Variants in SCAMP2 observed in about 807,000 individuals in gnomAD.
SCAMP2 encodes the protein secretory carrier membrane protein 2.
A neutral mutation model predicts 44.1 loss-of-function variants in SCAMP2; 25 were observed. The ratio of observed to expected loss-of-function variants is 0.57; its 90% confidence interval spans 0.41 to 0.79. SCAMP2 has a LOEUF of 0.79. SCAMP2 is among the 30% of genes least tolerant of loss of function. The pLI, the probability that SCAMP2 is intolerant of heterozygous loss-of-function variation, is 0.00. For missense variants in SCAMP2, 355 were observed against 411.0 expected (o/e 0.86, Z 1.18); for synonymous variants, 156 against 166.0 (o/e 0.94, Z 0.46).
At chr15:74,854,681 G>A in intron 1 of SCAMP2, 32 bp from the exon 2 acceptor site, 1 of 1,582,240 alleles carries the variant, frequency 6.3e-7, no homozygotes, top group South Asian at 1.2e-5. Context: ...CTTAGACACA[G>A]TGGAGAAAAT....
At chr15:74,851,945 A>G in intron 4 of SCAMP2, 124 bp downstream of exon 4, 3 of 597,792 alleles carry the variant, frequency 5.0e-6, no homozygotes, top group Middle Eastern at 9.0e-4. Context: ...GCATCCTGTG[A>G]TGAGAAGAGC....
At position 74,844,588 on chromosome 15, in the gene SCAMP2, A is replaced by T. The variant is rs568690162; in HGVS notation, c.*495T>A. On this transcript the variant is annotated 3_prime_UTR_variant, in exon 9 of 9. Coordinates refer to ENST00000268099, the MANE Select transcript of SCAMP2 (RefSeq NM_005697.5). ...TGGAAGCCTGGAGACCACTGGAGTG[A>T]CCTGGGGAACAGATCTGTCCACCAG... is the stretch of plus-strand genomic sequence containing the variant. 1 of 153,566 alleles carries T rather than the reference A, an allele frequency of 6.5e-6. No homozygotes were observed. The highest frequency in any genetic ancestry group is 2.4e-5 in the African/African-American group (1 of 41,566). 9.5% of individuals were successfully genotyped at this position (153,566 alleles called of 1,614,324 possible). A position where few individuals can be genotyped will look rare whatever the true frequency, so the allele number is the denominator to read the frequency against.
chr15:74,854,230 C>T (rs2064453746), intron 2 of SCAMP2, 111 bp from the exon 3 acceptor site: 2 of 979,584 alleles, frequency 2.0e-6, no homozygotes, highest in South Asian at 2.7e-5. Flanking sequence ...AGGGGACTCC[C>T]TCGGGGCCTG....
chr15:74,873,284 G>T lies in SCAMP2; in HGVS notation c.-29C>A. 1 of 1,476,332 alleles carries T rather than the reference G, an allele frequency of 6.8e-7. No individual in the cohort carries two copies. Among genetic ancestry groups the T allele is most frequent in the Non-Finnish European group, 8.9e-7 (1 of 1,118,036 alleles). The allele number at this position is 1,476,332 out of a possible 1,614,324, so 91.5% of individuals were successfully genotyped here. A position where few individuals can be genotyped will look rare whatever the true frequency, so the allele number is the denominator to read the frequency against. ...GATCGGGGGCCAGCGGGCGAACTCC[G>T]CGAACGCTGCTGCCTCCGGGCACCC... On this transcript the variant is annotated 5_prime_UTR_variant, in exon 1 of 9. Transcript: ENST00000268099.
rs2064415016 is a variant in SCAMP2 at position 74,848,671 on chromosome 15, G to C, written c.663C>G (p.Phe221Leu). The C allele has an allele frequency of 1.2e-6, 2 of 1,613,554 alleles. No individual in the cohort carries two copies. Among genetic ancestry groups the C allele is most frequent in the Non-Finnish European group, 1.7e-6 (2 of 1,179,692 alleles). The part of the protein sequence containing the change: ...RSDNSFSFFV[F>L]FFVFFCQIGI... ...CTATTTGACAAAAAAATACAAAGAA[G>C]AACACAAAGAAGCTGAAAGAGTTGT... Residue 221 changes from phenylalanine (F) to leucine (L), a missense_variant, in exon 7 of 9, where the codon TTC becomes TTG. Physicochemically the swap from Phe to Leu is conservative, Grantham distance 22 (BLOSUM62 0). Coordinates refer to ENST00000268099, the MANE Select transcript of SCAMP2 (RefSeq NM_005697.5).
At chr15:74,866,024 GAGGGA>G (rs1160844255) in intron 1 of SCAMP2, among the ~76,000 whole-genome samples, 1 of 93,082 alleles carries the variant, frequency 1.1e-5, no homozygotes, top group Admixed American at 1.2e-4. Context: ...GGAAAGGAGG[GAGGGA>G]GGGGAGGGGA....
chr15:74,864,461 G>C (rs2064529237), intron 1 of SCAMP2, among the ~76,000 whole-genome samples: 1 of 152,216 alleles, frequency 6.6e-6, no homozygotes, highest in Non-Finnish European at 1.5e-5. Context: ...CAGGGAACCA[G>C]TCTGAAGAGG....
At chr15:74,855,534 T>G (rs941551866) in intron 1 of SCAMP2, among the ~76,000 whole-genome samples, 4 of 151,772 alleles carry the variant, frequency 2.6e-5, no homozygotes, top group Non-Finnish European at 5.9e-5. Flanking sequence ...CTGACCAACA[T>G]GGAGAAACCC....
intron 3 of SCAMP2, chr15:74,852,623 G>A (rs147058598): frequency 6.5e-6 from 1 of 154,004 alleles, no homozygotes; most frequent in African/African-American, 2.4e-5. Flanking sequence ...AACAGTGCAA[G>A]CCTGCTAACA....
At chr15:74,850,206 G>A (rs747255254) in intron 6 of SCAMP2, among the ~76,000 whole-genome samples, 3 of 152,126 alleles carry the variant, frequency 2.0e-5, no homozygotes, top group Admixed American at 6.5e-5. Context: ...CCCAAAGAGC[G>A]TCCCCTCCCT....
rs1370225385 is a variant in SCAMP2, at chr15:74,854,636, G to A, written c.71C>T (p.Thr24Ile). 1.2e-6 allele frequency: 2 copies of A among 1,609,224 alleles called. No homozygotes were observed. Among genetic ancestry groups the A allele is most frequent in the African/African-American group, 1.3e-5 (1 of 74,962 alleles). Residue 24 changes from threonine (T) to isoleucine (I), a missense_variant, in exon 2 of 9, where the codon ACC (threonine) becomes ATC (isoleucine). Coordinates refer to ENST00000268099, the MANE Select transcript of SCAMP2 (RefSeq NM_005697.5). ...GCCCTGCGGGGCGTTGGTCAGCTGG[G>A]TCACAGAGGGATCCTGAGAAGGTGA... ...DVNPFQDPSV[T>I]QLTNAPQGGL...
In SCAMP2 at chr15:74,845,560, A is replaced by T; in HGVS notation, c.768T>A (p.Asn256Lys). 6.2e-7 allele frequency: 1 copy of T among 1,614,120 alleles called. No homozygotes were observed. Among genetic ancestry groups the T allele is most frequent in the East Asian group, 2.2e-5 (1 of 44,878 alleles). The change falls in exon 8 of 9, where the codon AAT becomes AAA. Residue 256 changes from asparagine (N) to lysine (K), a missense_variant. Transcript: ENST00000268099. The part of the protein sequence containing the change: ...GWIAALSTLD[N>K]HSLAISVIMM... ...TGATGACTGATATGGCCAGGGAATGATTATCCAGTGTAGACAGGGCTGCAA... is the reference window on the plus strand; with the variant it reads ...TGATGACTGATATGGCCAGGGAATGTTTATCCAGTGTAGACAGGGCTGCAA...
intron 1 of SCAMP2, among the ~76,000 whole-genome samples, chr15:74,863,879 G>A (rs1333795716): frequency 1.3e-5 from 2 of 152,100 alleles, no homozygotes; most frequent in Admixed American, 1.3e-4. Context: ...GCAGACACAG[G>A]GTGAGACACA....
rs923555791 is a variant in SCAMP2, at chr15:74,843,849, A to G, written c.*1234T>C. ...TCATAAAACCCCAGCCGCTGCCAGT[A>G]TCATTCAGTGGCTGGGGCCTGCGGC... On this transcript the variant is annotated 3_prime_UTR_variant, in exon 9 of 9. Transcript: ENST00000268099. 1.3e-5 allele frequency: 2 copies of G among 152,200 alleles called. No individual in the cohort carries two copies. Among genetic ancestry groups the G allele is most frequent in the African/African-American group, 4.8e-5 (2 of 41,454 alleles). 9.4% of individuals were successfully genotyped at this position (152,200 alleles called of 1,614,324 possible).
rs1314836381 is a variant in SCAMP2, at chr15:74,845,212, G to A, written c.861C>T (p.His287=). 1 of 1,612,666 alleles carries A rather than the reference G, an allele frequency of 6.2e-7. No homozygotes were observed. Among genetic ancestry groups the A allele is most frequent in the African/African-American group, 1.3e-5 (1 of 74,902 alleles). Residue 287 remains histidine, a synonymous_variant, in exon 9 of 9, where the codon CAC becomes CAT. Transcript: ENST00000268099. ...VLSVFLLQRV[H]SLYRRTGASF... ...TGGCCCCTGTCCGTCGGTAGAGGGA[G>A]TGCACCTGGCGAAGAGGGGTGGGGT...
In SCAMP2 at chr15:74,848,599, C is replaced by CA; in HGVS notation, c.734_734+1insT (p.Gly246ArgfsTer11). On this transcript the variant is annotated frameshift_variant and splice_region_variant. Transcript: ENST00000268099. LOFTEE classifies it high-confidence loss of function. Reference sequence around the variant, plus strand: ...TTCCCTCTGTGATGCCCAGGTCTCACCTGTCCCCCAGGCCAGGGATGCCAA... The same window carrying CA: ...TTCCCTCTGTGATGCCCAGGTCTCACACTGTCCCCCAGGCCAGGGATGCCAA... 1 of 1,591,122 alleles carries CA rather than the reference C, an allele frequency of 6.3e-7. No individual in the cohort carries two copies. Among genetic ancestry groups the CA allele is most frequent in the Non-Finnish European group, 8.6e-7 (1 of 1,159,302 alleles).
chr15:74,852,093 G>C lies in SCAMP2; in HGVS notation c.319C>G (p.Gln107Glu). 6.3e-7 allele frequency: 1 copy of C among 1,586,830 alleles called. No individual in the cohort carries two copies. The highest frequency in any genetic ancestry group is 8.6e-7 in the Non-Finnish European group (1 of 1,166,490). Residue 107 changes from glutamine (Q) to glutamate (E), a missense_variant, in exon 4 of 9, where the codon CAG (glutamine) becomes GAG (glutamate). Transcript: ENST00000268099. ...CCATGCAAGTTGGCTACAGTGTTCT[G>C]CAGCTCCCGCTCCTTGCGTTCCAGC... ...AELERKEREL[Q>E]NTVANLHVRQ... is the part of the protein sequence containing the mutation.
chr15:74,871,404 C>T (rs910887264), intron 1 of SCAMP2, among the ~76,000 whole-genome samples: 2 of 152,000 alleles, frequency 1.3e-5, no homozygotes, highest in Admixed American at 1.3e-4. Context: ...TCAAGGCTGC[C>T]ATGACCTCCA....
At chr15:74,867,850 C>G (rs2064553217) in intron 1 of SCAMP2, among the ~76,000 whole-genome samples, 2 of 152,256 alleles carry the variant, frequency 1.3e-5, no homozygotes, top group African/African-American at 4.8e-5. Flanking sequence ...AATGCCACCA[C>G]CTATTCCACT....
Sources: allele counts gnomAD v4.1 joint callset (sites outside exome capture counted in the v4.1 genomes callset), GRCh38; gene constraint gnomAD v4.1.1; transcripts MANE v1.5; gene names NCBI Gene and HGNC (gene_info 2026-07-23, HGNC 2026-07-21).